SPDYE21: variants seen among roughly 807,000 people sequenced by gnomAD.
SPDYE21 encodes the protein speedy protein E21.
A neutral mutation model predicts 36.2 loss-of-function variants in SPDYE21; 14 were observed. The observed-to-expected ratio is 0.39, with a 90% CI of 0.26 to 0.61. The LOEUF (loss-of-function observed/expected upper bound fraction) is 0.61, where lower values mean the gene tolerates loss of function less well. SPDYE21 is among the 20% of genes least tolerant of loss of function. The pLI, the probability that SPDYE21 is intolerant of heterozygous loss-of-function variation, is 0.55. For synonymous variants in SPDYE21, 58 were observed against 155.1 expected, an observed-to-expected ratio of 0.37 and a Z score of 4.65; for missense variants, 233 against 424.6, an observed-to-expected ratio of 0.55 and a Z score of 3.97.
intron 3 of SPDYE21, among the ~76,000 whole-genome samples, chr7:67,280,645 T>C (rs1178015522): frequency 5.2e-5 from 6 of 115,478 alleles, no homozygotes; most frequent in African/African-American, 2.1e-4. Context: ...TGAGCCAAGA[T>C]AGCGCCACTG....
At chr7:67,284,349 T>A (rs1802691391) in intron 6 of SPDYE21, among the ~76,000 whole-genome samples, 1 of 148,694 alleles carries the variant, frequency 6.7e-6, no homozygotes, top group African/African-American at 2.5e-5. Context: ...CTTGGGAGGC[T>A]GAGGCAAGAG....
chr7:67,280,170 G>A (rs1275252099), intron 3 of SPDYE21, 134 bp downstream of exon 3: 1 of 1,480,014 alleles, frequency 6.8e-7, no homozygotes, highest in Non-Finnish European at 9.0e-7. Flanking sequence ...ACTCAGAAGT[G>A]ATCACTCATG....
Position 67,278,789 on chromosome 7 carries a change from C to G in SPDYE21, c.76C>G (p.Pro26Ala), listed in dbSNP as rs1367677840. Residue 26 changes from proline to alanine, a missense_variant, in exon 2 of 9, where the codon CCC becomes GCC. This residue lies in a region of SPDYE21 where 68 missense variants were observed against 87.6 expected (regional missense o/e 0.78). Coordinates refer to ENST00000424157, the MANE Select transcript of SPDYE21 (RefSeq NM_001382715.2). ...GKITTSRQLH[P>A]QNEQSPQRST... ...GATCACGACCAGCCGTCAACTGCAC[C>G]CCCAGAATGAGCAGAGTCCCCAGCG... 6.6e-5 allele frequency among the ~76,000 whole-genome samples: 10 copies of G among 151,908 alleles called. No individual in the cohort carries two copies. The highest frequency in any genetic ancestry group is 2.4e-4 in the African/African-American group (10 of 41,352).
chr7:67,283,561 C>T (rs893700681), intron 5 of SPDYE21, among the ~76,000 whole-genome samples: 9 of 152,018 alleles, frequency 5.9e-5, no homozygotes, highest in African/African-American at 1.4e-4. Flanking sequence ...ACAGTCTGGC[C>T]GCAGCCCTGA....
At chr7:67,284,917 T>C (rs1394924961) in intron 6 of SPDYE21, among the ~76,000 whole-genome samples, 1 of 149,538 alleles carries the variant, frequency 6.7e-6, no homozygotes, top group African/African-American at 2.5e-5. Context: ...TGGCTCACCA[T>C]CTTGGTATTT....
At chr7:67,282,994 T>C (rs3962093) in intron 5 of SPDYE21, among the ~76,000 whole-genome samples, 69,096 of 109,294 alleles carry the variant, frequency 0.63, 22,570 homozygotes, top group East Asian at 0.88. Context: ...TTAGTAGAAA[T>C]GGGGTTTTGC....
At chr7:67,278,190 C>CATG (rs1802571326) in intron 1 of SPDYE21, among the ~76,000 whole-genome samples, 102 bp from the exon 2 acceptor site, 1 of 97,918 alleles carries the variant, frequency 1.0e-5, no homozygotes, top group Admixed American at 1.0e-4. Flanking sequence ...CACTCTTGCA[C>CATG]ATGATAATCT....
intron 6 of SPDYE21, among the ~76,000 whole-genome samples, chr7:67,284,310 G>A (rs1461319037): frequency 4.0e-5 from 6 of 151,798 alleles, no homozygotes; most frequent in Non-Finnish European, 7.4e-5. Flanking sequence ...TTAGCTGGGC[G>A]TGGTGGTGTG....
chr7:67,280,942 C>T (rs653272), intron 3 of SPDYE21, among the ~76,000 whole-genome samples: 1,173 of 134,762 alleles, frequency 8.7e-3, no homozygotes, highest in East Asian at 0.033. Context: ...ATGAGCTGGG[C>T]GTTCTGGTGG....
intron 6 of SPDYE21, among the ~76,000 whole-genome samples, chr7:67,284,279 T>C (rs1466081594): frequency 6.6e-6 from 1 of 151,180 alleles, no homozygotes; most frequent in East Asian, 2.0e-4. Flanking sequence ...CCAAACCCCG[T>C]CTCTACTAAA....
rs1001305551 is a variant in SPDYE21 at position 67,288,059 on chromosome 7, T to C, written c.*587T>C. 2.0e-5 allele frequency among the ~76,000 whole-genome samples: 3 copies of C among 151,904 alleles called. No individual in the cohort carries two copies. The highest frequency in any genetic ancestry group is 6.6e-5 in the Admixed American group (1 of 15,220). On this transcript the variant is annotated 3_prime_UTR_variant, in exon 9 of 9. Coordinates refer to ENST00000424157, the MANE Select transcript of SPDYE21 (RefSeq NM_001382715.2). ...AATTGTTGTACTTTTGAAAACATGCTGTTCCTGTAGTTTTTTGATGAGAGT... is the reference window on the plus strand; with the variant it reads ...AATTGTTGTACTTTTGAAAACATGCCGTTCCTGTAGTTTTTTGATGAGAGT...
At chr7:67,286,499 G>T (rs1205944800) in intron 7 of SPDYE21, among the ~76,000 whole-genome samples, 61 bp from the exon 8 acceptor site, 2 of 151,998 alleles carry the variant, frequency 1.3e-5, no homozygotes, top group African/African-American at 2.4e-5. Flanking sequence ...GAGGCTGGAT[G>T]AGGGGAGAGA....
chr7:67,285,163 C>G (rs1802707701), intron 6 of SPDYE21, among the ~76,000 whole-genome samples: 1 of 151,860 alleles, frequency 6.6e-6, no homozygotes, highest in Non-Finnish European at 1.5e-5. Flanking sequence ...ACTCCCAGTC[C>G]CATTAGACTA....
intron 5 of SPDYE21, among the ~76,000 whole-genome samples, chr7:67,283,620 G>T (rs1162881631): frequency 6.6e-6 from 1 of 151,954 alleles, no homozygotes; most frequent in East Asian, 1.9e-4. Context: ...TCTCTGCCTG[G>T]CACACAAAAG....
chr7:67,281,933 C>A (rs1396592670), intron 4 of SPDYE21, among the ~76,000 whole-genome samples: 2 of 152,264 alleles, frequency 1.3e-5, no homozygotes, highest in East Asian at 3.9e-4. Context: ...GACTACACCA[C>A]TGCACTCCAG....
intron 4 of SPDYE21, among the ~76,000 whole-genome samples, chr7:67,281,891 G>A (rs182849671): frequency 6.6e-6 from 1 of 152,170 alleles, no homozygotes; most frequent in Non-Finnish European, 1.5e-5. Context: ...AGGATTGCTT[G>A]AACTCAGAAC....
At chr7:67,284,948 C>T (rs1802704825) in intron 6 of SPDYE21, among the ~76,000 whole-genome samples, 1 of 150,690 alleles carries the variant, frequency 6.6e-6, no homozygotes, top group African/African-American at 2.4e-5. Flanking sequence ...CTTCACTGCT[C>T]CTTCCAAATG....
In SPDYE21 at chr7:67,283,959, C is replaced by T. The variant is rs1802684794; in HGVS notation, c.716C>T (p.Pro239Leu). 6.2e-7 allele frequency: 1 copy of T among 1,601,564 alleles called. No homozygotes were observed. Among genetic ancestry groups the T allele is most frequent in the African/African-American group, 1.3e-5 (1 of 74,546 alleles). ...VIVYFSRAGLPSWQYQRIHFF... is the reference protein window; with the variant it reads ...VIVYFSRAGLLSWQYQRIHFF... ...GTGTATTTCAGCCGGGCCGGCCTCC[C>T]CTCCTGGCAATACCAACGCATTCAT... The change falls in exon 6 of 9, where the codon CCC becomes CTC. Residue 239 changes from proline to leucine, a missense_variant. By Grantham distance (98) the Pro-to-Leu change is moderately conservative. Transcript: ENST00000424157.
At chr7:67,286,509 A>C (rs933131749) in intron 7 of SPDYE21, among the ~76,000 whole-genome samples, 51 bp from the exon 8 acceptor site, 17 of 151,570 alleles carry the variant, frequency 1.1e-4, no homozygotes, top group Admixed American at 3.9e-4. Context: ...GAGGGGAGAG[A>C]GGGGTATCCT....
Sources: allele counts gnomAD v4.1 joint callset (sites outside exome capture counted in the v4.1 genomes callset), GRCh38; gene constraint gnomAD v4.1.1; regional missense constraint gnomAD v4.1.1; transcripts MANE v1.5; gene names NCBI Gene and HGNC (gene_info 2026-07-23, HGNC 2026-07-21).